Variants in BCORL1 observed in about 807,000 individuals in gnomAD.
BCORL1 encodes the protein BCL-6 corepressor-like protein 1.
BCORL1 carries 7 observed loss-of-function variants against 87.6 expected under a neutral mutation model. That is an observed-to-expected ratio of 0.08 (90% CI 0.05 to 0.15). The LOEUF is 0.15. Ranked by LOEUF, BCORL1 falls within the 10% of genes least tolerant of loss-of-function variation. The probability of loss-of-function intolerance (pLI) is 1.00; values close to 1 mark genes in which losing one functional copy is unlikely to be tolerated. For missense variants in BCORL1, 1,215 were observed against 1,499.7 expected (o/e 0.81, Z 3.13); for synonymous variants, 591 against 634.4 (o/e 0.93, Z 1.03).
At position 130,044,467 on chromosome X, in the gene BCORL1, TG is replaced by T. The variant is rs779043386; in HGVS notation, c.4840+5187del. ...TGGCTGTGTGCAAAGGCCCCTGTTG[TG>T]GAAAGTTGTCGGGGGAATCAAATCC... On this transcript the variant is annotated intron_variant, in intron 11 of 13. Coordinates refer to ENST00000540052, the MANE Select transcript of BCORL1 (RefSeq NM_001379451.1). Among the ~76,000 whole-genome samples, 74 of 110,888 alleles carry T rather than the reference TG, an allele frequency of 6.7e-4. No individual in the cohort carries two copies. The East Asian group carries it at 0.02, about 30-fold the overall frequency.
At chrX:130,000,042 C>G (rs1048934310) in intron 1 of BCORL1, among the ~76,000 whole-genome samples, 1 of 109,714 alleles carries the variant, frequency 9.1e-6, no homozygotes, top group African/African-American at 3.3e-5. Context: ...ATAGGCTGAG[C>G]TGGTTTTGTT....
intron 7 of BCORL1, among the ~76,000 whole-genome samples, chrX:130,025,869 A>G (rs1930217635): frequency 1.8e-5 from 2 of 111,141 alleles, no homozygotes; most frequent in South Asian, 7.5e-4. Context: ...AGAAACGGGC[A>G]CAGCATTGCT....
chrX:130,020,780 T>C (rs1929738466), intron 4 of BCORL1, among the ~76,000 whole-genome samples: 1 of 111,622 alleles, frequency 9.0e-6, no homozygotes, highest in African/African-American at 3.3e-5. Flanking sequence ...TGTGGACGCC[T>C]ATGGGGATTA....
intron 11 of BCORL1, among the ~76,000 whole-genome samples, chrX:130,050,006 C>A (rs1025292862): frequency 1.6e-4 from 18 of 111,284 alleles, no homozygotes; most frequent in African/African-American, 5.9e-4. Context: ...GCCCAGCCCG[C>A]GTGTGTCCCT....
chrX:129,992,357 T>C (rs1264575817), intron 1 of BCORL1, among the ~76,000 whole-genome samples: 1 of 110,920 alleles, frequency 9.0e-6, no homozygotes, highest in Non-Finnish European at 1.9e-5. Flanking sequence ...GAAGCTGAGG[T>C]GGGAGGGCCA....
In BCORL1 at chrX:129,988,700, GT is replaced by G. The variant is rs202056553; in HGVS notation, c.-45+5942del. Among the ~76,000 whole-genome samples the G allele has an allele frequency of 8.7e-3, 967 of 111,725 alleles. 13 individuals carry two copies. The highest frequency in any genetic ancestry group is 0.029 in the African/African-American group (892 of 30,763). ...TACCAAGGAGCAGGGAAAGCTTTGT[GT>G]TTTGGGCTTCTTTACCGTGGGTCTG... On this transcript the variant is annotated intron_variant, in intron 1 of 13. Transcript: ENST00000540052.
intron 1 of BCORL1, among the ~76,000 whole-genome samples, chrX:129,999,391 C>T (rs781020931): frequency 9.9e-6 from 1 of 101,009 alleles, no homozygotes; most frequent in East Asian, 3.1e-4. Flanking sequence ...TCACTGCAAC[C>T]TCTGCCTCCC....
chrX:129,980,995 G>T (rs1448042877), upstream of BCORL1: 1 of 108,894 alleles, frequency 9.2e-6, no homozygotes, highest in Non-Finnish European at 1.9e-5. Flanking sequence ...GCGGGGCCGC[G>T]AGCGGAGGGA....
intron 11 of BCORL1, among the ~76,000 whole-genome samples, chrX:130,046,632 C>G (rs1160033818): frequency 9.0e-6 from 1 of 110,717 alleles, no homozygotes; most frequent in Non-Finnish European, 1.9e-5. Flanking sequence ...CTGCAGCCTC[C>G]ACCTCCTGGG....
chrX:130,056,661 T>C lies in BCORL1; in HGVS notation c.*525T>C, dbSNP rs1338315183. The C allele has an allele frequency of 8.8e-6, 1 of 113,358 alleles. No homozygotes were observed. Among genetic ancestry groups the C allele is most frequent in the Non-Finnish European group, 1.9e-5 (1 of 53,562 alleles). The allele number at this position is 113,358 out of a possible 1,213,427, so 9.3% of individuals were successfully genotyped here. A position where few individuals can be genotyped will look rare whatever the true frequency, so the allele number is the denominator to read the frequency against. On this transcript the variant is annotated 3_prime_UTR_variant, in exon 14 of 14. Coordinates refer to ENST00000540052, the MANE Select transcript of BCORL1 (RefSeq NM_001379451.1). ...TGACGATTTGAGACAACTTGTTGTA[T>C]TGAGGGACTTTCTGTACCTCCTTTT...
At chrX:130,049,671 T>C (rs1931964324) in intron 11 of BCORL1, among the ~76,000 whole-genome samples, 1 of 112,527 alleles carries the variant, frequency 8.9e-6, no homozygotes, top group South Asian at 3.6e-4. Flanking sequence ...TGTGTAAGTT[T>C]TTGTTTGAAC....
chrX:130,014,085 A>G lies in BCORL1; in HGVS notation c.1313A>G (p.Gln438Arg). 5.0e-6 allele frequency: 6 copies of G among 1,207,437 alleles called. No homozygotes were observed. In the South Asian group the frequency reaches 1.1e-4, roughly 21 times the overall value. Residue 438 changes from glutamine (Q) to arginine (R), a missense_variant, in exon 4 of 14, where the codon CAG becomes CGG. This residue lies in a region of BCORL1 where 861 missense variants were observed against 1,010.0 expected (regional missense o/e 0.85). Coordinates refer to ENST00000540052, the MANE Select transcript of BCORL1 (RefSeq NM_001379451.1). Reference sequence around the variant, plus strand: ...ATGCAAAAAGTCCCCCTGTCCTTTCAGCCAGGGACAGTGCTGACCCCGAGC... The same window carrying G: ...ATGCAAAAAGTCCCCCTGTCCTTTCGGCCAGGGACAGTGCTGACCCCGAGC... The part of the protein sequence containing the change: ...PAMQKVPLSF[Q>R]PGTVLTPSQP...
intron 6 of BCORL1, among the ~76,000 whole-genome samples, chrX:130,024,105 A>G (rs1235709197): frequency 8.9e-6 from 1 of 112,357 alleles, no homozygotes. Context: ...GTGTGAAACC[A>G]GGCCAATTTA....
intron 11 of BCORL1, among the ~76,000 whole-genome samples, chrX:130,048,288 T>C (rs1159312431): frequency 1.8e-5 from 2 of 112,436 alleles, no homozygotes; most frequent in East Asian, 5.6e-4. Context: ...TTAAGTTGGC[T>C]GCCAACTTCC....
chrX:130,031,040 CA>C (rs1301293957), intron 8 of BCORL1, among the ~76,000 whole-genome samples: 3 of 112,781 alleles, frequency 2.7e-5, no homozygotes, highest in African/African-American at 9.7e-5. Flanking sequence ...GGCTCAGAGC[CA>C]GGGGGAAGGA....
At chrX:130,021,759 C>T (rs766544477) in intron 5 of BCORL1, among the ~76,000 whole-genome samples, 4 of 110,489 alleles carry the variant, frequency 3.6e-5, no homozygotes, top group East Asian at 5.7e-4. Flanking sequence ...GCCCACCTGA[C>T]GTGACTATGA....
Position 130,014,617 on chromosome X carries a change from T to C in BCORL1, c.1845T>C (p.Pro615=), listed in dbSNP as rs370512029. Residue 615 remains proline (P), a synonymous_variant, in exon 4 of 14, where the codon CCT becomes CCC. Transcript: ENST00000540052. ...PQLEREMASP[P]ECSEMPLDLS... ...TGGAACGAGAGATGGCCTCTCCACC[T>C]GAGTGCAGCGAGATGCCCCTTGATC... 2 of 1,209,462 alleles carry C rather than the reference T, an allele frequency of 1.7e-6. No individual in the cohort carries two copies. Among genetic ancestry groups the C allele is most frequent in the Non-Finnish European group, 2.2e-6 (2 of 895,111 alleles).
rs1243788559 is a variant in BCORL1 at position 130,057,969 on chromosome X, T to A, written c.*1833T>A. 1.8e-5 allele frequency: 2 copies of A among 111,051 alleles called. No individual in the cohort carries two copies. Among genetic ancestry groups the A allele is most frequent in the Non-Finnish European group, 3.8e-5 (2 of 53,042 alleles). The allele number at this position is 111,051 out of a possible 1,213,427, so 9.2% of individuals were successfully genotyped here. ...ATTGTGTAGTTTATTTCATGTTCTG[T>A]TTGCCTTTCCTTTTTTCGCATTTGG... On this transcript the variant is annotated 3_prime_UTR_variant, in exon 14 of 14. Transcript: ENST00000540052.
At chrX:130,005,768 A>G (rs192153576) in intron 2 of BCORL1, among the ~76,000 whole-genome samples, 12 of 104,102 alleles carry the variant, frequency 1.2e-4, no homozygotes, top group African/African-American at 4.3e-4. Flanking sequence ...TGCAAGCAAC[A>G]CCACGCCCGG....
Sources: allele counts gnomAD v4.1 joint callset (sites outside exome capture counted in the v4.1 genomes callset), GRCh38; gene constraint gnomAD v4.1.1; regional missense constraint gnomAD v4.1.1; transcripts MANE v1.5; gene names NCBI Gene and HGNC (gene_info 2026-07-23, HGNC 2026-07-21).